Variants in ZNF704 observed in about 807,000 individuals in gnomAD.
The protein encoded by ZNF704 is zinc finger protein 704, also known as glucocorticoid induced gene 1.
Under a neutral mutation model 44.7 loss-of-function variants are expected in ZNF704, and 10 were observed. The ratio of observed to expected loss-of-function variants is 0.22; its 90% CI spans 0.14 to 0.38. The LOEUF (loss-of-function observed/expected upper bound fraction) is 0.38. Among genes scored for constraint, ZNF704 ranks in the 10% least tolerant of loss-of-function variants. The pLI is 1.00. For missense variants in ZNF704, 390 were observed against 545.5 expected (o/e 0.71, Z 2.84); for synonymous variants, 211 against 207.6 (o/e 1.02, Z -0.14).
intron 1 of ZNF704, among the ~76,000 whole-genome samples, chr8:80,869,276 A>G (rs1809208612): frequency 6.6e-6 from 1 of 152,208 alleles, no homozygotes; most frequent in African/African-American, 2.4e-5. Flanking sequence ...AGACTACTTG[A>G]ACTATAAATG....
chr8:80,751,373 T>C (rs1806939962), intron 2 of ZNF704, among the ~76,000 whole-genome samples: 3 of 152,212 alleles, frequency 2.0e-5, no homozygotes, highest in Non-Finnish European at 4.4e-5. Context: ...CTGAAGTTTC[T>C]GTCAGTCTGC....
At chr8:80,728,337 G>A (rs1044191395) in intron 2 of ZNF704, among the ~76,000 whole-genome samples, 2 of 152,164 alleles carry the variant, frequency 1.3e-5, no homozygotes, top group African/African-American at 4.8e-5. Context: ...CCACAATACA[G>A]CTCTTGTGGA....
chr8:80,738,783 C>G (rs1806707939), intron 2 of ZNF704, among the ~76,000 whole-genome samples: 1 of 152,148 alleles, frequency 6.6e-6, no homozygotes, highest in South Asian at 2.1e-4. Context: ...ACCTGGTACA[C>G]AGGTACTCAG....
chr8:80,654,914 C>T (rs1283231588), intron 7 of ZNF704, among the ~76,000 whole-genome samples: 1 of 152,182 alleles, frequency 6.6e-6, no homozygotes, highest in Non-Finnish European at 1.5e-5. Context: ...GGACACTATT[C>T]ACAATAGCAA....
At chr8:80,844,969 T>C (rs1278033103) in intron 1 of ZNF704, among the ~76,000 whole-genome samples, 1 of 152,018 alleles carries the variant, frequency 6.6e-6, no homozygotes, top group Non-Finnish European at 1.5e-5. Context: ...CATGAGTCAC[T>C]GCACCCAGCC....
At chr8:80,860,890 A>G (rs1323780451) in intron 1 of ZNF704, among the ~76,000 whole-genome samples, 1 of 152,170 alleles carries the variant, frequency 6.6e-6, no homozygotes, top group Non-Finnish European at 1.5e-5. Context: ...TTACTGCTGG[A>G]TTTGTATGGA....
intron 1 of ZNF704, among the ~76,000 whole-genome samples, chr8:80,825,165 G>C (rs964276333): frequency 1.3e-5 from 2 of 152,172 alleles, no homozygotes; most frequent in African/African-American, 4.8e-5. Flanking sequence ...TCAGTGTGCT[G>C]TATTCAGGAG....
chr8:80,838,732 TGGA>T (rs140901931), intron 1 of ZNF704, among the ~76,000 whole-genome samples: 36 of 128,118 alleles, frequency 2.8e-4, no homozygotes, highest in African/African-American at 8.1e-4. Context: ...GAGCAGACAC[TGGA>T]GGAGGAGGAG....
intron 2 of ZNF704, among the ~76,000 whole-genome samples, chr8:80,727,442 T>C (rs949881415): frequency 6.6e-6 from 1 of 152,148 alleles, no homozygotes; most frequent in African/African-American, 2.4e-5. Context: ...TGTTTTTTTT[T>C]TTCGTTTTTA....
At chr8:80,697,259 G>A (rs1216162490) in intron 2 of ZNF704, among the ~76,000 whole-genome samples, 1 of 152,138 alleles carries the variant, frequency 6.6e-6, no homozygotes, top group Non-Finnish European at 1.5e-5. Context: ...TATAAGCAAA[G>A]CGCATCCATG....
At chr8:80,787,132 A>G (rs948564855) in intron 2 of ZNF704, among the ~76,000 whole-genome samples, 3 of 152,220 alleles carry the variant, frequency 2.0e-5, no homozygotes, top group Non-Finnish European at 2.9e-5. Context: ...GATTTTGTGC[A>G]CTATTTTACA....
At chr8:80,708,709 T>G (rs190136839) in intron 2 of ZNF704, among the ~76,000 whole-genome samples, 55 of 152,366 alleles carry the variant, frequency 3.6e-4, no homozygotes, top group Non-Finnish European at 1.0e-4. Context: ...AATAGCATGT[T>G]GATTCAACTA....
At chr8:80,730,759 G>C (rs1234709447) in intron 2 of ZNF704, among the ~76,000 whole-genome samples, 1 of 152,004 alleles carries the variant, frequency 6.6e-6, no homozygotes, top group Non-Finnish European at 1.5e-5. Flanking sequence ...TAGTAAAGCT[G>C]GTGGTTTATA....
At chr8:80,845,566 C>T (rs183324744) in intron 1 of ZNF704, among the ~76,000 whole-genome samples, 44 of 152,212 alleles carry the variant, frequency 2.9e-4, no homozygotes, top group Non-Finnish European at 4.9e-4. Context: ...TCAGCAATGA[C>T]GAAGAAATTA....
chr8:80,699,746 T>A (rs192290117), intron 2 of ZNF704, among the ~76,000 whole-genome samples: 69 of 152,274 alleles, frequency 4.5e-4, no homozygotes, highest in African/African-American at 1.5e-3. Flanking sequence ...TTGCTTTAAT[T>A]TCCATTAAAC....
At chr8:80,721,903 T>C (rs936021930) in intron 2 of ZNF704, among the ~76,000 whole-genome samples, 8 of 152,182 alleles carry the variant, frequency 5.3e-5, no homozygotes, top group Non-Finnish European at 1.0e-4. Flanking sequence ...GCTAAGGTTT[T>C]AGAGGAGAGG....
intron 1 of ZNF704, among the ~76,000 whole-genome samples, chr8:80,858,977 T>C (rs566112939): frequency 3.3e-4 from 51 of 152,336 alleles, no homozygotes; most frequent in Non-Finnish European, 5.3e-4. Context: ...TTAAGCTGTT[T>C]GGTGGTGTTA....
At chr8:80,774,826 A>G (rs1383060853) in intron 2 of ZNF704, among the ~76,000 whole-genome samples, 4 of 152,180 alleles carry the variant, frequency 2.6e-5, no homozygotes, top group African/African-American at 9.6e-5. Flanking sequence ...ACTAAGAAAG[A>G]GCAGGCTCCA....
intron 2 of ZNF704, among the ~76,000 whole-genome samples, chr8:80,746,546 CA>C (rs1199962013): frequency 2.0e-5 from 3 of 152,216 alleles, no homozygotes; most frequent in Non-Finnish European, 4.4e-5. Flanking sequence ...TTCTGAACCT[CA>C]TTTTTGCCTC....
Sources: gnomAD v4.1 joint callset for allele counts (sites outside exome capture counted in the v4.1 genomes callset) on GRCh38, gnomAD v4.1.1 for gene constraint, MANE v1.5 for transcripts, NCBI Gene and HGNC (gene_info 2026-07-23, HGNC 2026-07-21) for gene names.